Variants in CCDC144A observed in about 807,000 individuals in gnomAD.
CCDC144A encodes the protein coiled-coil domain containing 144A.
Under a neutral mutation model 143.8 loss-of-function variants are expected in CCDC144A, and 41 were observed. The ratio of observed to expected loss-of-function variants is 0.29; its 90% confidence interval spans 0.22 to 0.37. The LOEUF is 0.37. Ranked by LOEUF, CCDC144A falls within the 10% of genes least tolerant of loss-of-function variation. The pLI, the probability that CCDC144A is intolerant of heterozygous loss-of-function variation, is 1.00. For missense variants in CCDC144A, 637 were observed against 1,488.8 expected (o/e 0.43, Z 9.41); for synonymous variants, 242 against 517.9 (o/e 0.47, Z 7.23).
chr17:16,704,469 A>G (rs1012135779), intron 2 of CCDC144A, among the ~76,000 whole-genome samples: 1 of 152,138 alleles, frequency 6.6e-6, no homozygotes, highest in African/African-American at 2.4e-5. Context: ...AATAAAAAAA[A>G]AAAATTTTAC....
the CCDC144A span, among the ~76,000 whole-genome samples, chr17:16,673,148 C>T: frequency 6.6e-6 from 1 of 151,808 alleles, no homozygotes; most frequent in East Asian, 1.9e-4. Context: ...TCTTTTTTTA[C>T]TGAGACTTCA....
intron 2 of CCDC144A, among the ~76,000 whole-genome samples, chr17:16,696,792 G>T (rs1266244667): frequency 6.6e-6 from 1 of 151,948 alleles, no homozygotes; most frequent in Non-Finnish European, 1.5e-5. Flanking sequence ...TTGTTTTGAT[G>T]GTTCAGTGAT....
intron 8 of CCDC144A, among the ~76,000 whole-genome samples, chr17:16,725,125 G>A (rs941258103): frequency 7.7e-6 from 1 of 129,156 alleles, no homozygotes; most frequent in African/African-American, 2.9e-5. Flanking sequence ...CCATTCTTTT[G>A]AACAATTTAT....
the CCDC144A span, among the ~76,000 whole-genome samples, chr17:16,672,086 C>A: frequency 1.8e-4 from 27 of 152,176 alleles, no homozygotes; most frequent in African/African-American, 6.0e-4. Flanking sequence ...CACTTCCCAG[C>A]TTTTAAAAGA....
In CCDC144A at chr17:16,752,981, G is replaced by C. The variant is rs183312162; in HGVS notation, c.3373-8444G>C. 1.0e-3 allele frequency among the ~76,000 whole-genome samples: 108 copies of C among 107,892 alleles called. 1 individual carries two copies. Among genetic ancestry groups the C allele is most frequent in the African/African-American group, 3.7e-3 (104 of 27,866 alleles). 70.8% of individuals were successfully genotyped at this position (107,892 alleles called of 152,430 possible). Reference sequence around the variant, plus strand: ...AGTTCAGATGTCTGTGTGGGTCCAGGGATCTCTGGGAGCTAGTATCCCAGA... The same window carrying C: ...AGTTCAGATGTCTGTGTGGGTCCAGCGATCTCTGGGAGCTAGTATCCCAGA... On this transcript the variant is annotated intron_variant, in intron 12 of 16. Transcript: ENST00000399273.
At chr17:16,726,686 C>T (rs1002974009) in intron 8 of CCDC144A, among the ~76,000 whole-genome samples, 9 of 152,030 alleles carry the variant, frequency 5.9e-5, no homozygotes, top group African/African-American at 1.9e-4. Context: ...TCCCCTTGAT[C>T]TGGGGCGGTT....
At chr17:16,745,986 T>C (rs568538666) in intron 12 of CCDC144A, 51 of 1,610,772 alleles carry the variant, frequency 3.2e-5, no homozygotes, top group Admixed American at 1.8e-4. Context: ...ATGGTGTCTT[T>C]GTGATTCAGA....
chr17:16,745,518 A>C (rs987255744), intron 12 of CCDC144A: 23 of 1,213,606 alleles, frequency 1.9e-5, no homozygotes, highest in Non-Finnish European at 2.6e-5. Context: ...CTGTATTTTT[A>C]GCTTCCAGTT....
chr17:16,700,270 A>T (rs1297377367), intron 2 of CCDC144A, among the ~76,000 whole-genome samples: 2 of 152,182 alleles, frequency 1.3e-5, no homozygotes, highest in Non-Finnish European at 2.9e-5. Flanking sequence ...CCCAGCCTCA[A>T]ATTTTGATGA....
intron 15 of CCDC144A, among the ~76,000 whole-genome samples, chr17:16,768,481 AGTT>A (rs1209758863): frequency 2.0e-5 from 3 of 152,174 alleles, no homozygotes; most frequent in Non-Finnish European, 2.9e-5. Context: ...GTGCCAAAGC[AGTT>A]GTTATGGAGG....
the CCDC144A span, among the ~76,000 whole-genome samples, chr17:16,680,293 G>T: frequency 6.6e-6 from 1 of 151,968 alleles, no homozygotes; most frequent in African/African-American, 2.4e-5. Context: ...GCCAGGCATG[G>T]TGGCACTACC....
intron 9 of CCDC144A, among the ~76,000 whole-genome samples, chr17:16,728,447 C>T: frequency 6.6e-6 from 1 of 151,926 alleles, no homozygotes; most frequent in East Asian, 1.9e-4. Flanking sequence ...TTTAAAAAGA[C>T]CTTTGATCAA....
At chr17:16,672,801 T>G in the CCDC144A span, among the ~76,000 whole-genome samples, 1 of 152,146 alleles carries the variant, frequency 6.6e-6, no homozygotes, top group African/African-American at 2.4e-5. Flanking sequence ...GGAACTGTTT[T>G]CCAAATAATA....
chr17:16,690,486 T>C lies in CCDC144A; in HGVS notation c.86T>C (p.Val29Ala). Residue 29 changes from valine (V) to alanine (A), a missense_variant, in exon 1 of 17, where the codon GTC becomes GCC. By Grantham distance (64) the Val-to-Ala change is moderately conservative. Coordinates refer to ENST00000399273, the MANE Select transcript of CCDC144A (RefSeq NM_001382000.1). ...TACGCCACGAGGAAGACCCCTAGCG[T>C]CGGGAGCCAGGGGGACCAGTGGTAC... ...AVYATRKTPS[V>A]GSQGDQWYLG... The C allele has an allele frequency of 6.2e-7, 1 of 1,613,366 alleles. No individual in the cohort carries two copies. The highest frequency in any genetic ancestry group is 8.5e-7 in the Non-Finnish European group (1 of 1,179,754).
the CCDC144A span, chr17:16,683,803 G>C: frequency 2.8e-6 from 4 of 1,447,418 alleles, no homozygotes; most frequent in East Asian, 4.5e-5. Flanking sequence ...GCGTGAAGCC[G>C]AGCGTGAAGC....
chr17:16,702,255 G>A (rs1487696493), intron 2 of CCDC144A, among the ~76,000 whole-genome samples: 1 of 152,214 alleles, frequency 6.6e-6, no homozygotes, highest in Non-Finnish European at 1.5e-5. Flanking sequence ...CACTGTGGCA[G>A]TGTTTCTTCT....
intron 12 of CCDC144A, among the ~76,000 whole-genome samples, chr17:16,737,324 G>A (rs1234122597): frequency 1.3e-5 from 2 of 151,026 alleles, no homozygotes; most frequent in African/African-American, 4.9e-5. Flanking sequence ...CCGCCACTAC[G>A]CCCGGCTAAT....
chr17:16,683,441 G>C, the CCDC144A span: 8 of 1,159,546 alleles, frequency 6.9e-6, no homozygotes, highest in African/African-American at 1.2e-4. Context: ...TGAGCGATGA[G>C]CCGGCTTCTG....
At chr17:16,705,824 A>C (rs1400406541) in intron 3 of CCDC144A, 2 of 222,336 alleles carry the variant, frequency 9.0e-6, no homozygotes, top group African/African-American at 4.7e-5. Context: ...CCACACCTGT[A>C]ATCTCAGCAC....
Sources: allele counts gnomAD v4.1 joint callset (sites outside exome capture counted in the v4.1 genomes callset), GRCh38; gene constraint gnomAD v4.1.1; transcripts MANE v1.5; gene names NCBI Gene and HGNC (gene_info 2026-07-23, HGNC 2026-07-21).